The following NCAM1 variants were observed in gnomAD, a reference collection of about 807,000 sequenced individuals.
NCAM1 encodes antigen recognized by monoclonal antibody 5.1H11.
In NCAM1, 14 loss-of-function variants were observed where a neutral mutation model predicts 109.8. That is an observed-to-expected ratio of 0.13 (90% CI 0.08 to 0.20). The LOEUF is 0.20. Among genes scored for constraint, NCAM1 ranks in the 10% least tolerant of loss-of-function variants. NCAM1 has a pLI of 1.00. For synonymous variants in NCAM1, 418 were observed against 442.9 expected, an observed-to-expected ratio of 0.94 and a Z score of 0.70; for missense variants, 774 against 1,109.9, an observed-to-expected ratio of 0.70 and a Z score of 4.30.
At chr11:113,161,703 TA>T (rs1555104435) in intron 1 of NCAM1, among the ~76,000 whole-genome samples, 1 of 152,214 alleles carries the variant, frequency 6.6e-6, no homozygotes, top group African/African-American at 2.4e-5. Flanking sequence ...GAGGATGTAG[TA>T]AAAGAAACTC....
chr11:113,020,557 A>C (rs2135232967), intron 1 of NCAM1, among the ~76,000 whole-genome samples: 1 of 152,298 alleles, frequency 6.6e-6, no homozygotes, highest in African/African-American at 2.4e-5. Flanking sequence ...TCAATAGCAA[A>C]GGATGTGAAA....
In NCAM1 at chr11:113,069,117, G is replaced by C. The variant is rs1209230784; in HGVS notation, c.52+107453G>C. Reference sequence around the variant, plus strand: ...GTAGGAAGTGGGCCCTGTCTCCAAGGCTGTAGAGTCACCTTGTGGAGCTGA... The same window carrying C: ...GTAGGAAGTGGGCCCTGTCTCCAAGCCTGTAGAGTCACCTTGTGGAGCTGA... On this transcript the variant is annotated intron_variant, in intron 1 of 19. Coordinates refer to ENST00000316851, the MANE Select transcript of NCAM1 (RefSeq NM_181351.5). 2.0e-5 allele frequency among the ~76,000 whole-genome samples: 3 copies of C among 152,188 alleles called. No homozygotes were observed. In the East Asian group the frequency reaches 5.8e-4, roughly 29 times the overall value.
intron 15 of NCAM1, among the ~76,000 whole-genome samples, chr11:113,249,437 G>A (rs1945594725): frequency 6.6e-6 from 1 of 152,198 alleles, no homozygotes; most frequent in African/African-American, 2.4e-5. Flanking sequence ...GGCAGGGACT[G>A]TGGGCAGGGA....
intron 1 of NCAM1, among the ~76,000 whole-genome samples, chr11:112,965,584 A>G (rs145078759): frequency 6.6e-6 from 1 of 152,330 alleles, no homozygotes; most frequent in East Asian, 1.9e-4. Flanking sequence ...AGTTTCTCAA[A>G]TTATAGAGAG....
chr11:113,138,248 G>A (rs1555099826), intron 1 of NCAM1, among the ~76,000 whole-genome samples: 1 of 152,208 alleles, frequency 6.6e-6, no homozygotes, highest in East Asian at 1.9e-4. Flanking sequence ...CATGGATGGG[G>A]ATCGAGTTTG....
At chr11:113,086,798 A>C (rs1555088387) in intron 1 of NCAM1, among the ~76,000 whole-genome samples, 1 of 152,162 alleles carries the variant, frequency 6.6e-6, no homozygotes. Context: ...CAGAGTCTTT[A>C]TTTGGCAACT....
intron 1 of NCAM1, among the ~76,000 whole-genome samples, chr11:113,197,440 C>G (rs555412836): frequency 6.6e-6 from 1 of 152,196 alleles, no homozygotes; most frequent in African/African-American, 2.4e-5. Context: ...ACAAGACAAA[C>G]ATATAGCTGT....
intron 1 of NCAM1, among the ~76,000 whole-genome samples, chr11:113,054,519 A>G (rs533120446): frequency 6.6e-6 from 1 of 152,218 alleles, no homozygotes. Flanking sequence ...TTCTAATTGC[A>G]GATAATGGCT....
chr11:113,186,628 C>G (rs1943516132), intron 1 of NCAM1, among the ~76,000 whole-genome samples: 1 of 152,198 alleles, frequency 6.6e-6, no homozygotes, highest in East Asian at 1.9e-4. Context: ...GGAGATGGCC[C>G]CGCATCGGCA....
intron 1 of NCAM1, among the ~76,000 whole-genome samples, chr11:113,164,220 C>T (rs1555104874): frequency 6.6e-6 from 1 of 152,154 alleles, no homozygotes; most frequent in Non-Finnish European, 1.5e-5. Context: ...GAAGAGGACT[C>T]CATGGTAAGA....
chr11:113,156,883 G>A (rs527357481), intron 1 of NCAM1, among the ~76,000 whole-genome samples: 1 of 152,072 alleles, frequency 6.6e-6, no homozygotes, highest in Non-Finnish European at 1.5e-5. Flanking sequence ...GAGAAGGTAG[G>A]CATCTCCACA....
intron 1 of NCAM1, among the ~76,000 whole-genome samples, chr11:113,048,370 T>C (rs1369166028): frequency 6.6e-6 from 1 of 152,240 alleles, no homozygotes; most frequent in African/African-American, 2.4e-5. Context: ...TCACTTGCTA[T>C]ATTAGGTTTG....
chr11:113,120,886 T>C lies in NCAM1; in HGVS notation c.53-81493T>C, dbSNP rs192658460. Among the ~76,000 whole-genome samples, 16 of 152,280 alleles carry C rather than the reference T, an allele frequency of 1.1e-4. No homozygotes were observed. The East Asian group carries it at 1.7e-3, about 17-fold the overall frequency. On this transcript the variant is annotated intron_variant, in intron 1 of 19. Coordinates refer to ENST00000316851, the MANE Select transcript of NCAM1 (RefSeq NM_181351.5). ...GTAAATGAATGAGGCTGAAGACCAGTCAATGGTTTGTACATGATGCTGTTT... is the reference window on the plus strand; with the variant it reads ...GTAAATGAATGAGGCTGAAGACCAGCCAATGGTTTGTACATGATGCTGTTT...
chr11:113,014,264 C>A (rs1411517407), intron 1 of NCAM1, among the ~76,000 whole-genome samples: 1 of 152,034 alleles, frequency 6.6e-6, no homozygotes, highest in Non-Finnish European at 1.5e-5. Flanking sequence ...TACAGTGCAG[C>A]CCTTTGGAAA....
chr11:113,116,246 T>G (rs1940703076), intron 1 of NCAM1, among the ~76,000 whole-genome samples: 2 of 152,254 alleles, frequency 1.3e-5, no homozygotes, highest in Non-Finnish European at 2.9e-5. Flanking sequence ...TAAAACTATT[T>G]GTTGCTTGAG....
intron 14 of NCAM1, among the ~76,000 whole-genome samples, chr11:113,240,291 A>G (rs1336265790): frequency 6.6e-6 from 1 of 152,242 alleles, no homozygotes; most frequent in African/African-American, 2.4e-5. Flanking sequence ...ATTCATTCAG[A>G]TGTTGAAATG....
intron 1 of NCAM1, among the ~76,000 whole-genome samples, chr11:113,009,262 G>A (rs183120381): frequency 5.4e-4 from 81 of 150,122 alleles, no homozygotes; most frequent in African/African-American, 1.9e-3. Flanking sequence ...TGAAATCTGT[G>A]GTGGCAGGAA....
chr11:113,268,621 G>A (rs1946193070), intron 17 of NCAM1, among the ~76,000 whole-genome samples: 1 of 152,218 alleles, frequency 6.6e-6, no homozygotes, highest in Admixed American at 6.5e-5. Context: ...ACAGCCACCA[G>A]AGAAGCACTA....
intron 1 of NCAM1, among the ~76,000 whole-genome samples, chr11:112,993,972 C>T (rs1414363799): frequency 6.6e-6 from 1 of 152,186 alleles, no homozygotes; most frequent in East Asian, 1.9e-4. Context: ...CTGCTACTCT[C>T]TTCTGGGTTG....
Sources: allele counts gnomAD v4.1 joint callset (sites outside exome capture counted in the v4.1 genomes callset), GRCh38; gene constraint gnomAD v4.1.1; transcripts MANE v1.5; gene names NCBI Gene and HGNC (gene_info 2026-07-23, HGNC 2026-07-21).